The following FBN2 variants were observed in gnomAD, a reference collection of about 807,000 sequenced individuals.
FBN2 encodes the protein fibrillin 2, also known as fibrillin-2.
In FBN2, 105 loss-of-function variants were observed where a neutral mutation model predicts 355.6. The ratio of observed to expected loss-of-function variants is 0.30; its 90% CI spans 0.25 to 0.35. The LOEUF is 0.35. Among genes scored for constraint, FBN2 ranks in the 10% least tolerant of loss-of-function variants. The pLI is 1.00. For missense variants in FBN2, 3,280 were observed against 3,758.7 expected, an observed-to-expected ratio of 0.87 and a Z score of 3.33; for synonymous variants, 1,350 against 1,301.2, an observed-to-expected ratio of 1.04 and a Z score of -0.81.
intron 25 of FBN2, among the ~76,000 whole-genome samples, chr5:128,341,423 T>C (rs1751016554): frequency 6.6e-6 from 1 of 152,140 alleles, no homozygotes; most frequent in African/African-American, 2.4e-5. Flanking sequence ...ATACAGTAGA[T>C]ACTGTGACAT....
chr5:128,361,510 T>C (rs1751636930), intron 19 of FBN2, among the ~76,000 whole-genome samples: 2 of 152,248 alleles, frequency 1.3e-5, no homozygotes, highest in South Asian at 4.1e-4. Context: ...AAATGTGTGT[T>C]GATATTTTGT....
At chr5:128,500,569 C>T (rs1407267901) in intron 5 of FBN2, among the ~76,000 whole-genome samples, 1 of 150,816 alleles carries the variant, frequency 6.6e-6, no homozygotes, top group Non-Finnish European at 1.5e-5. Context: ...CAGCCTCTCT[C>T]GAGTAGCTGG....
intron 7 of FBN2, among the ~76,000 whole-genome samples, chr5:128,443,015 G>A (rs372979909): frequency 1.3e-5 from 2 of 152,118 alleles, no homozygotes; most frequent in East Asian, 3.9e-4. Context: ...GCTCAAACTT[G>A]ATTTTTTGGC....
At chr5:128,476,997 G>C (rs973361363) in intron 5 of FBN2, among the ~76,000 whole-genome samples, 2 of 152,206 alleles carry the variant, frequency 1.3e-5, no homozygotes, top group Non-Finnish European at 2.9e-5. Context: ...ATCAATAACA[G>C]CTTTTTAACT....
chr5:128,473,133 C>T (rs1754917635), intron 5 of FBN2, among the ~76,000 whole-genome samples: 1 of 152,182 alleles, frequency 6.6e-6, no homozygotes, highest in African/African-American at 2.4e-5. Flanking sequence ...AATCTAATTC[C>T]TGGCACTGGA....
At chr5:128,305,153 G>T in intron 44 of FBN2, 71 bp from the exon 45 acceptor site, 1 of 1,323,930 alleles carries the variant, frequency 7.6e-7, no homozygotes, top group Non-Finnish European at 1.1e-6. Flanking sequence ...TCACAGTTGT[G>T]TTTCTCTAAT....
At position 128,258,722 on chromosome 5, in the gene FBN2, A is replaced by T. The variant is rs13305; in HGVS notation, c.*733T>A. 40,055 of 152,650 alleles carry T rather than the reference A, an allele frequency of 0.26. 9,219 individuals are homozygous for T. The highest frequency in any genetic ancestry group is 0.63 in the African/African-American group (26,179 of 41,466). The allele number at this position is 152,650 out of a possible 1,614,324, so 9.5% of individuals were successfully genotyped here. Reference sequence around the variant, plus strand: ...ATTTTGCTACAGTGGTTGTGCTTCAACTTCTGTTGCCTGGTGTGTCTGGTG... The same window carrying T: ...ATTTTGCTACAGTGGTTGTGCTTCATCTTCTGTTGCCTGGTGTGTCTGGTG... On this transcript the variant is annotated 3_prime_UTR_variant, in exon 65 of 65. Transcript: ENST00000262464.
At chr5:128,436,780 A>T (rs1753778837) in intron 7 of FBN2, among the ~76,000 whole-genome samples, 1 of 152,230 alleles carries the variant, frequency 6.6e-6, no homozygotes, top group South Asian at 2.1e-4. Flanking sequence ...AGACATAAAA[A>T]GTAACCCAGA....
chr5:128,487,598 G>A (rs1755373300), intron 5 of FBN2, among the ~76,000 whole-genome samples: 1 of 152,154 alleles, frequency 6.6e-6, no homozygotes, highest in South Asian at 2.1e-4. Flanking sequence ...GATTTTAAAT[G>A]TGGTTATGGT....
At chr5:128,430,945 C>T (rs946613780) in intron 7 of FBN2, among the ~76,000 whole-genome samples, 1 of 152,178 alleles carries the variant, frequency 6.6e-6, no homozygotes, top group Non-Finnish European at 1.5e-5. Context: ...AAGTGCCACA[C>T]TGACTCATAT....
At chr5:128,371,593 G>A (rs1751946869) in intron 15 of FBN2, among the ~76,000 whole-genome samples, 1 of 149,482 alleles carries the variant, frequency 6.7e-6, no homozygotes, top group Admixed American at 6.7e-5. Context: ...CAATGGCGTG[G>A]CATGATCTTG....
At chr5:128,286,466 T>C (rs1749147876) in intron 55 of FBN2, among the ~76,000 whole-genome samples, 1 of 152,246 alleles carries the variant, frequency 6.6e-6, no homozygotes, top group Admixed American at 6.5e-5. Context: ...AGAACACATA[T>C]AGTTTTATTT....
Position 128,282,322 on chromosome 5 carries a change from T to C in FBN2, c.7013-2005A>G, listed in dbSNP as rs909876371. Among the ~76,000 whole-genome samples the C allele has an allele frequency of 3.9e-5, 6 of 152,258 alleles. No individual in the cohort carries two copies. The East Asian group carries it at 1.2e-3, about 29-fold the overall frequency. ...TAAAGGTATATACAAAAGTAATGAGTTATGAATTAAAAAGTTTTTTTAGTT... is the reference window on the plus strand; with the variant it reads ...TAAAGGTATATACAAAAGTAATGAGCTATGAATTAAAAAGTTTTTTTAGTT... On this transcript the variant is annotated intron_variant, in intron 55 of 64. Coordinates refer to ENST00000262464, the MANE Select transcript of FBN2 (RefSeq NM_001999.4).
chr5:128,268,445 T>C (rs1017832399), intron 62 of FBN2, among the ~76,000 whole-genome samples: 2 of 152,008 alleles, frequency 1.3e-5, no homozygotes, highest in African/African-American at 4.8e-5. Context: ...CTACCAGAGG[T>C]ACCAAGAGGA....
intron 5 of FBN2, among the ~76,000 whole-genome samples, chr5:128,515,372 T>TA (rs1756253510): frequency 6.6e-6 from 1 of 152,200 alleles, no homozygotes; most frequent in Non-Finnish European, 1.5e-5. Context: ...CCCACTGAAT[T>TA]AGACTATATG....
intron 19 of FBN2, among the ~76,000 whole-genome samples, chr5:128,358,858 A>C (rs974099482): frequency 1.3e-5 from 2 of 152,070 alleles, no homozygotes; most frequent in African/African-American, 4.8e-5. Context: ...TTCTATTTTA[A>C]ATTAAGCAAT....
intron 25 of FBN2, 100 bp downstream of exon 25, chr5:128,344,285 T>A (rs780365997): frequency 8.2e-7 from 1 of 1,212,236 alleles, no homozygotes; most frequent in Non-Finnish European, 1.2e-6. Context: ...AAAATTTTCA[T>A]GTTCTCAATG....
chr5:128,357,948 T>C (rs1183220598), intron 19 of FBN2, among the ~76,000 whole-genome samples: 1 of 152,176 alleles, frequency 6.6e-6, no homozygotes, highest in African/African-American at 2.4e-5. Flanking sequence ...TTTAGTTTGC[T>C]TAGTTTTTTT....
chr5:128,505,769 A>C (rs1051114984), intron 5 of FBN2, among the ~76,000 whole-genome samples: 56 of 152,318 alleles, frequency 3.7e-4, no homozygotes, highest in African/African-American at 1.3e-3. Context: ...AAATAATTTA[A>C]GGTTCATCAA....
Sources: gnomAD v4.1 joint callset for allele counts (sites outside exome capture counted in the v4.1 genomes callset) on GRCh38, gnomAD v4.1.1 for gene constraint, MANE v1.5 for transcripts, NCBI Gene and HGNC (gene_info 2026-07-23, HGNC 2026-07-21) for gene names.